TP63: variants seen among roughly 807,000 people sequenced by gnomAD.
TP63 encodes the protein tumor protein 63.
TP63 carries 17 observed loss-of-function variants against 82.8 expected under a neutral mutation model. The observed-to-expected ratio is 0.21, with a 90% CI of 0.14 to 0.31. The LOEUF (loss-of-function observed/expected upper bound fraction) is 0.31. TP63 is among the 10% of genes least tolerant of loss of function. TP63 has a pLI of 1.00. For missense variants in TP63, 648 were observed against 895.3 expected (o/e 0.72, Z 3.52); for synonymous variants, 330 against 321.7 (o/e 1.03, Z -0.28).
At chr3:189,719,753 T>C (rs1254019840) in intron 1 of TP63, among the ~76,000 whole-genome samples, 3 of 152,220 alleles carry the variant, frequency 2.0e-5, no homozygotes, top group African/African-American at 7.2e-5. Context: ...GAGAGTCTTC[T>C]GTTTTTCTTG....
chr3:189,723,927 A>G (rs992799080), intron 1 of TP63, among the ~76,000 whole-genome samples: 274 of 152,060 alleles, frequency 1.8e-3, no homozygotes, highest in African/African-American at 6.4e-3. Context: ...ACCATGGGGA[A>G]CTTTATTTTC....
chr3:189,731,956 A>G (rs1312813238), intron 1 of TP63, among the ~76,000 whole-genome samples: 1 of 152,220 alleles, frequency 6.6e-6, no homozygotes, highest in Non-Finnish European at 1.5e-5. Context: ...CAACATATTT[A>G]TCTATAAAAT....
intron 4 of TP63, among the ~76,000 whole-genome samples, chr3:189,845,476 C>CA (rs2083775264): frequency 6.6e-6 from 1 of 151,944 alleles, no homozygotes; most frequent in African/African-American, 2.4e-5. Context: ...TTACAGTTCC[C>CA]AAAAATCTAT....
intron 4 of TP63, among the ~76,000 whole-genome samples, chr3:189,823,186 T>C (rs533851538): frequency 6.6e-6 from 1 of 152,272 alleles, no homozygotes; most frequent in African/African-American, 2.4e-5. Context: ...CAGCAAGCCT[T>C]CTGTGCCTTT....
chr3:189,856,054 A>T (rs528088931), intron 4 of TP63, among the ~76,000 whole-genome samples: 1 of 151,886 alleles, frequency 6.6e-6, no homozygotes, highest in South Asian at 2.1e-4. Flanking sequence ...GTTCTTAGCT[A>T]TAGAAGATAT....
intron 3 of TP63, among the ~76,000 whole-genome samples, chr3:189,805,586 C>T (rs1439750405): frequency 2.6e-5 from 4 of 152,234 alleles, no homozygotes; most frequent in Admixed American, 1.3e-4. Flanking sequence ...TGTTTCAGGA[C>T]AGTGGAAGAA....
At chr3:189,760,350 T>C (rs1422795501) in intron 3 of TP63, among the ~76,000 whole-genome samples, 2 of 152,056 alleles carry the variant, frequency 1.3e-5, no homozygotes, top group Non-Finnish European at 2.9e-5. Flanking sequence ...CTAGATACAA[T>C]GGGGGTATAG....
rs751728506 is a variant in TP63, at chr3:189,886,494, C to A, written c.1450C>A (p.Pro484Thr). 2 of 1,614,116 alleles carry A rather than the reference C, an allele frequency of 1.2e-6. No individual in the cohort carries two copies. Among genetic ancestry groups the A allele is most frequent in the East Asian group, 2.2e-5 (1 of 44,854 alleles). Residue 484 changes from proline to threonine, a missense_variant, in exon 11 of 14, where the codon CCT (proline) becomes ACT (threonine). By Grantham distance (38) the Pro-to-Thr change is conservative. Coordinates refer to ENST00000264731, the MANE Select transcript of TP63 (RefSeq NM_003722.5). ...KLPSVSQLIN[P>T]QQRNALTPTT... ...GCCTTCTGTGAGCCAGCTTATCAACCCTCAGCAGCGCAACGCCCTCACTCC... is the reference window on the plus strand; with the variant it reads ...GCCTTCTGTGAGCCAGCTTATCAACACTCAGCAGCGCAACGCCCTCACTCC...
intron 4 of TP63, among the ~76,000 whole-genome samples, chr3:189,842,570 A>G (rs1345479073): frequency 1.3e-5 from 2 of 152,124 alleles, no homozygotes; most frequent in African/African-American, 2.4e-5. Context: ...AGGAATGTCC[A>G]GGTTTGTTTT....
Position 189,686,732 on chromosome 3 carries a change from T to C in TP63, c.63-51008T>C, listed in dbSNP as rs1015939031. On this transcript the variant is annotated intron_variant, in intron 1 of 13. Transcript: ENST00000264731. The stretch of plus-strand genomic sequence containing the variant: ...CAGGGGGTGGGGGGCAGGGGCAGGG[T>C]TTTTTTTTTTTTTTTTGAGACAGAG... 8.9e-5 allele frequency among the ~76,000 whole-genome samples: 4 copies of C among 44,852 alleles called. No individual in the cohort carries two copies. In the East Asian group the frequency reaches 0.023, roughly 259 times the overall value. 29.4% of individuals were successfully genotyped at this position (44,852 alleles called of 152,430 possible).
At position 189,895,679 on chromosome 3, in the gene TP63, A is replaced by ATTGTTTGGTAAATGTTTCTT. The variant is rs1193819721; in HGVS notation, c.*1200_*1219dup. 8.8e-6 allele frequency: 2 copies of ATTGTTTGGTAAATGTTTCTT among 228,068 alleles called. No homozygotes were observed. The highest frequency in any genetic ancestry group is 6.4e-5 in the East Asian group (1 of 15,684). 14.1% of individuals were successfully genotyped at this position (228,068 alleles called of 1,614,324 possible). A position where few individuals can be genotyped will look rare whatever the true frequency, so the allele number is the denominator to read the frequency against. Reference sequence around the variant, plus strand: ...AAAAATCTTTTGAAGCATAGATAATATTGTTTGGTAAATGTTTCTTTTGTT... The same window carrying ATTGTTTGGTAAATGTTTCTT: ...AAAAATCTTTTGAAGCATAGATAATATTGTTTGGTAAATGTTTCTTTTGTTTGGTAAATGTTTCTTTTGTT... On this transcript the variant is annotated 3_prime_UTR_variant, in exon 14 of 14. Coordinates refer to ENST00000264731, the MANE Select transcript of TP63 (RefSeq NM_003722.5).
At chr3:189,877,222 A>C (rs746522152) in intron 10 of TP63, among the ~76,000 whole-genome samples, 1 of 152,220 alleles carries the variant, frequency 6.6e-6, no homozygotes, top group Non-Finnish European at 1.5e-5. Flanking sequence ...ATTTGCTTAC[A>C]TTGGAATAAA....
At chr3:189,735,165 C>A (rs1040565409) in intron 1 of TP63, among the ~76,000 whole-genome samples, 1 of 152,082 alleles carries the variant, frequency 6.6e-6, no homozygotes, top group Non-Finnish European at 1.5e-5. Flanking sequence ...TTTACCTTGG[C>A]TTCTAAAATA....
intron 4 of TP63, among the ~76,000 whole-genome samples, chr3:189,832,116 C>T (rs553568234): frequency 2.2e-4 from 33 of 152,244 alleles, no homozygotes; most frequent in African/African-American, 7.7e-4. Flanking sequence ...AGGCATGATC[C>T]ACCACGCCCA....
chr3:189,666,144 T>C lies in TP63; in HGVS notation c.62+34567T>C, dbSNP rs544339186. ...GTTGTTTATAGCCATAAGATACTTA[T>C]CAAACGTAATAAATAAGCACATTTC... On this transcript the variant is annotated intron_variant, in intron 1 of 13. Transcript: ENST00000264731. 2.6e-5 allele frequency among the ~76,000 whole-genome samples: 4 copies of C among 152,176 alleles called. No individual in the cohort carries two copies. In the South Asian group the frequency reaches 8.3e-4, roughly 32 times the overall value.
chr3:189,817,000 G>A (rs1728254732), intron 4 of TP63, among the ~76,000 whole-genome samples: 1 of 100,054 alleles, frequency 1.0e-5, no homozygotes, highest in Non-Finnish European at 2.4e-5. Context: ...GAAGATTCAT[G>A]TGGGGGAAAA....
intron 6 of TP63, among the ~76,000 whole-genome samples, chr3:189,867,399 A>C (rs1717862544): frequency 6.6e-6 from 1 of 152,202 alleles, no homozygotes; most frequent in South Asian, 2.1e-4. Flanking sequence ...TTTGAGCTCT[A>C]AGATGTTATT....
At chr3:189,674,132 G>A (rs916396383) in intron 1 of TP63, among the ~76,000 whole-genome samples, 5 of 151,992 alleles carry the variant, frequency 3.3e-5, no homozygotes, top group African/African-American at 9.7e-5. Context: ...AACAATGTAC[G>A]GATAGTAGAT....
At chr3:189,663,296 C>A (rs1346681231) in intron 1 of TP63, among the ~76,000 whole-genome samples, 2 of 151,890 alleles carry the variant, frequency 1.3e-5, no homozygotes, top group African/African-American at 2.4e-5. Flanking sequence ...TATCAAGAAC[C>A]ATGGAGTCCT....
Sources: allele counts gnomAD v4.1 joint callset (sites outside exome capture counted in the v4.1 genomes callset), GRCh38; gene constraint gnomAD v4.1.1; transcripts MANE v1.5; gene names NCBI Gene and HGNC (gene_info 2026-07-23, HGNC 2026-07-21).